Variants in ZYG11B observed in about 807,000 individuals in gnomAD.
ZYG11B encodes zyg-11 family member B, cell cycle regulator, also known as protein zyg-11 homolog B.
Under a neutral mutation model 82.4 loss-of-function variants are expected in ZYG11B, and 36 were observed. That is an observed-to-expected ratio of 0.44 (90% CI 0.33 to 0.58). The LOEUF (loss-of-function observed/expected upper bound fraction) is 0.58, where lower values mean the gene tolerates loss of function less well. Among genes scored for constraint, ZYG11B ranks in the 20% least tolerant of loss-of-function variants. The pLI, the probability that ZYG11B is intolerant of heterozygous loss-of-function variation, is 0.02. For synonymous variants in ZYG11B, 303 were observed against 312.8 expected (o/e 0.97, Z 0.33); for missense variants, 552 against 895.6 (o/e 0.62, Z 4.90).
At chr1:52,802,803 G>A (rs1021625096) in intron 10 of ZYG11B, among the ~76,000 whole-genome samples, 4 of 151,532 alleles carry the variant, frequency 2.6e-5, no homozygotes, top group Non-Finnish European at 5.9e-5. Context: ...AATATATCAC[G>A]AGGTCAGGAG....
intron 3 of ZYG11B, among the ~76,000 whole-genome samples, chr1:52,776,229 A>AAAAAAAAAAAAAAATATATATATATATAT: frequency 1.4e-3 from 32 of 23,514 alleles, no homozygotes; most frequent in African/African-American, 2.7e-3. Context: ...TAAAAAAAAA[A>AAAAAAAAAAAAAAATATATATATATATAT]ATATATATAT....
At chr1:52,803,540 C>T (rs971887387) in intron 10 of ZYG11B, among the ~76,000 whole-genome samples, 8 of 150,326 alleles carry the variant, frequency 5.3e-5, no homozygotes, top group African/African-American at 1.7e-4. Flanking sequence ...AAATATAATA[C>T]GCATATGCTT....
chr1:52,796,925 TA>T (rs1313327106), intron 8 of ZYG11B, 141 bp downstream of exon 8: 5 of 108,362 alleles, frequency 4.6e-5, no homozygotes, highest in Admixed American at 1.7e-4. Flanking sequence ...ATATTATATA[TA>T]ATTATATATT....
At chr1:52,768,229 T>C (rs1644715194) in intron 2 of ZYG11B, among the ~76,000 whole-genome samples, 1 of 152,194 alleles carries the variant, frequency 6.6e-6, no homozygotes, top group South Asian at 2.1e-4. Flanking sequence ...GGTTTTTGTC[T>C]GTGCCCATTG....
intron 2 of ZYG11B, among the ~76,000 whole-genome samples, chr1:52,770,092 A>ATTTTTTT (rs33953020): frequency 1.4e-4 from 13 of 94,466 alleles, no homozygotes; most frequent in Non-Finnish European, 2.3e-4. Context: ...ATATATATAT[A>ATTTTTTT]TTTTTTTTTT....
intron 2 of ZYG11B, among the ~76,000 whole-genome samples, chr1:52,759,531 T>C (rs958846754): frequency 3.9e-5 from 6 of 152,210 alleles, no homozygotes; most frequent in Non-Finnish European, 8.8e-5. Context: ...CTTTTCAGAC[T>C]GCCTTCAGAT....
chr1:52,732,011 C>G (rs1644337114), intron 1 of ZYG11B, among the ~76,000 whole-genome samples: 1 of 152,172 alleles, frequency 6.6e-6, no homozygotes, highest in Admixed American at 6.5e-5. Flanking sequence ...CCATGTTGCC[C>G]AGGCTGCTCT....
At chr1:52,790,288 T>C (rs890284374) in intron 6 of ZYG11B, among the ~76,000 whole-genome samples, 1 of 152,196 alleles carries the variant, frequency 6.6e-6, no homozygotes, top group Non-Finnish European at 1.5e-5. Context: ...TGCTTAGGAA[T>C]TTATGTTGGT....
At chr1:52,734,286 C>T (rs935532987) in intron 1 of ZYG11B, among the ~76,000 whole-genome samples, 3 of 151,890 alleles carry the variant, frequency 2.0e-5, no homozygotes, top group Non-Finnish European at 2.9e-5. Context: ...GCCATGAGCC[C>T]GGCAGACATC....
intron 8 of ZYG11B, among the ~76,000 whole-genome samples, chr1:52,797,402 A>G: frequency 1.4e-5 from 1 of 71,272 alleles, no homozygotes; most frequent in Non-Finnish European, 2.5e-5. Context: ...ATCATATATG[A>G]AATATATATC....
intron 13 of ZYG11B, among the ~76,000 whole-genome samples, chr1:52,818,612 C>T (rs1645254849): frequency 6.6e-6 from 1 of 152,040 alleles, no homozygotes; most frequent in African/African-American, 2.4e-5. Flanking sequence ...ATTCCATATC[C>T]TTGTCAGGGG....
chr1:52,772,674 G>C (rs1004518634), intron 3 of ZYG11B: 2 of 770,578 alleles, frequency 2.6e-6, no homozygotes, highest in East Asian at 2.5e-5. Context: ...GCAACGAAAG[G>C]CTTGTTTTTT....
chr1:52,791,733 G>A (rs1644962022), intron 6 of ZYG11B, among the ~76,000 whole-genome samples: 1 of 152,154 alleles, frequency 6.6e-6, no homozygotes, highest in Admixed American at 6.5e-5. Context: ...ATCTGGCATG[G>A]CTAAGGAAAG....
chr1:52,818,342 G>A (rs1645252768), intron 13 of ZYG11B, among the ~76,000 whole-genome samples: 1 of 151,964 alleles, frequency 6.6e-6, no homozygotes, highest in African/African-American at 2.4e-5. Flanking sequence ...CAGGTGTTGT[G>A]GTGTGCTCCT....
chr1:52,793,890 T>TCCTTCCTTCCTTCCTTCCTG (rs369489501), intron 6 of ZYG11B, among the ~76,000 whole-genome samples: 1 of 148,088 alleles, frequency 6.8e-6, no homozygotes, highest in Non-Finnish European at 1.5e-5. Flanking sequence ...CTTCCTTCCT[T>TCCTTCCTTCCTTCCTTCCTG]CCTTCCTTCC....
At chr1:52,735,164 G>A (rs1205895514) in intron 1 of ZYG11B, among the ~76,000 whole-genome samples, 2 of 151,734 alleles carry the variant, frequency 1.3e-5, no homozygotes, top group African/African-American at 4.8e-5. Flanking sequence ...CCTAGTAGCT[G>A]GGATTACAGG....
At chr1:52,746,215 A>G (rs1889033) in intron 1 of ZYG11B, among the ~76,000 whole-genome samples, 95,381 of 151,708 alleles carry the variant, frequency 0.63, 31,930 homozygotes, top group East Asian at 0.97. Flanking sequence ...GCCCCCCAAA[A>G]CGTTGGGATT....
chr1:52,782,049 G>A (rs1038761594), intron 4 of ZYG11B, among the ~76,000 whole-genome samples: 1 of 151,848 alleles, frequency 6.6e-6, no homozygotes, highest in Non-Finnish European at 1.5e-5. Context: ...GAAGAATATA[G>A]GCTATTTATT....
intron 8 of ZYG11B, among the ~76,000 whole-genome samples, chr1:52,798,000 G>A (rs1481318683): frequency 2.0e-5 from 3 of 151,934 alleles, no homozygotes; most frequent in Admixed American, 6.6e-5. Context: ...GCACATGCCC[G>A]TGGTTCCAAC....
Sources: gnomAD v4.1 joint callset for allele counts (sites outside exome capture counted in the v4.1 genomes callset) on GRCh38, gnomAD v4.1.1 for gene constraint, MANE v1.5 for transcripts, NCBI Gene and HGNC (gene_info 2026-07-23, HGNC 2026-07-21) for gene names.